Variants in ASIC2 observed in about 807,000 individuals in gnomAD.
ASIC2 encodes acid-sensing ion channel 2.
A neutral mutation model predicts 57.3 loss-of-function variants in ASIC2; 25 were observed. The observed-to-expected ratio is 0.44, with a 90% confidence interval of 0.32 to 0.61. The LOEUF is 0.61. ASIC2 is among the 20% of genes least tolerant of loss of function. ASIC2 has a pLI of 0.06. For missense variants in ASIC2, 641 were observed against 738.1 expected (o/e 0.87, Z 1.52); for synonymous variants, 319 against 307.5 (o/e 1.04, Z -0.39).
rs141016306 is a variant in ASIC2 at position 33,501,558 on chromosome 17, A to G, written c.556-389491T>C. On this transcript the variant is annotated intron_variant, in intron 1 of 9. Transcript: ENST00000359872. ...GCTAAGGTCCAGAAAAGAGTTAAATAAATGTTTCCTAAAATGTATTTCTAG... is the reference window on the plus strand; with the variant it reads ...GCTAAGGTCCAGAAAAGAGTTAAATGAATGTTTCCTAAAATGTATTTCTAG... 5.3e-5 allele frequency among the ~76,000 whole-genome samples: 8 copies of G among 152,340 alleles called. No homozygotes were observed. The East Asian group carries it at 9.6e-4, about 18-fold the overall frequency.
chr17:33,865,701 A>G (rs1392767153), intron 1 of ASIC2, among the ~76,000 whole-genome samples: 3 of 151,478 alleles, frequency 2.0e-5, no homozygotes, highest in Non-Finnish European at 4.4e-5. Flanking sequence ...ATACATATGT[A>G]ACTAACCTGC....
chr17:33,496,213 C>T (rs775841950), intron 1 of ASIC2, among the ~76,000 whole-genome samples: 51 of 152,098 alleles, frequency 3.4e-4, no homozygotes, highest in Non-Finnish European at 5.0e-4. Flanking sequence ...GGGCTTGGAC[C>T]GGGCTATTGG....
In ASIC2 at chr17:33,826,797, G is replaced by A. The variant is rs1846802862; in HGVS notation, c.555+329181C>T. ...AGGAGGGAAGTCGTTAAAAGGAAAG[G>A]TAGAGTCAGACATAGTGTCTGTCTA... is the stretch of plus-strand genomic sequence containing the variant. On this transcript the variant is annotated intron_variant, in intron 1 of 9. Coordinates refer to the ASIC2 transcript ENST00000359872. Among the ~76,000 whole-genome samples the A allele has an allele frequency of 1.3e-5, 2 of 152,174 alleles. 1 individual carries two copies. The highest frequency in any genetic ancestry group is 4.1e-4 in the South Asian group (2 of 4,832).
chr17:33,087,516 A>G (rs1315899333), intron 3 of ASIC2, among the ~76,000 whole-genome samples: 1 of 151,672 alleles, frequency 6.6e-6, no homozygotes, highest in African/African-American at 2.4e-5. Flanking sequence ...GGCCTATGCC[A>G]TCAACACTTT....
At chr17:33,545,982 T>C (rs1464377069) in intron 1 of ASIC2, among the ~76,000 whole-genome samples, 1 of 152,148 alleles carries the variant, frequency 6.6e-6, no homozygotes, top group Non-Finnish European at 1.5e-5. Flanking sequence ...GAATTCTGTT[T>C]ATGCTTTTGT....
intron 1 of ASIC2, among the ~76,000 whole-genome samples, chr17:33,830,695 C>A (rs750678682): frequency 3.6e-4 from 55 of 152,028 alleles, no homozygotes; most frequent in Non-Finnish European, 6.2e-4. Flanking sequence ...GGTATTCATC[C>A]TAATGCTCTC....
At chr17:33,830,001 A>G (rs1913054851) in intron 1 of ASIC2, among the ~76,000 whole-genome samples, 1 of 152,216 alleles carries the variant, frequency 6.6e-6, no homozygotes, top group Non-Finnish European at 1.5e-5. Flanking sequence ...AGAATCACTG[A>G]AAAGGAGGGT....
intron 1 of ASIC2, among the ~76,000 whole-genome samples, chr17:33,599,487 C>T (rs935611149): frequency 1.3e-5 from 2 of 152,178 alleles, no homozygotes; most frequent in Non-Finnish European, 2.9e-5. Context: ...GTCCTCAAGG[C>T]CACCAGGTCT....
intron 1 of ASIC2, among the ~76,000 whole-genome samples, chr17:34,119,794 G>A (rs1769035527): frequency 6.6e-6 from 1 of 152,190 alleles, no homozygotes; most frequent in Non-Finnish European, 1.5e-5. Context: ...ATTCCCGTCT[G>A]TTATGATTGT....
chr17:33,318,494 C>T (rs1204849493), intron 1 of ASIC2, among the ~76,000 whole-genome samples: 4 of 152,176 alleles, frequency 2.6e-5, no homozygotes, highest in Non-Finnish European at 5.9e-5. Flanking sequence ...TGCCCTCCCT[C>T]GTTTGGGTGA....
At chr17:33,949,402 G>T (rs1192951029) in intron 1 of ASIC2, among the ~76,000 whole-genome samples, 3 of 152,122 alleles carry the variant, frequency 2.0e-5, no homozygotes, top group Non-Finnish European at 4.4e-5. Flanking sequence ...AATCTGCATA[G>T]CCTGGCACCA....
Position 33,863,330 on chromosome 17 carries a change from C to A in ASIC2, c.555+292648G>T, listed in dbSNP as rs548971100. Among the ~76,000 whole-genome samples the A allele has an allele frequency of 4.6e-5, 7 of 152,348 alleles. No homozygotes were observed. In the East Asian group the frequency reaches 1.4e-3, roughly 29 times the overall value. ...ACATAGAACTCTGGTATGATTCCTGCTTTTGAATCCATATGATGCTTTTAG... is the reference window on the plus strand; with the variant it reads ...ACATAGAACTCTGGTATGATTCCTGATTTTGAATCCATATGATGCTTTTAG... On this transcript the variant is annotated intron_variant, in intron 1 of 9. Coordinates refer to the ASIC2 transcript ENST00000359872.
At chr17:34,038,228 A>G (rs1907965751) in intron 1 of ASIC2, 16 of 1,611,822 alleles carry the variant, frequency 9.9e-6, no homozygotes, top group Non-Finnish European at 1.4e-5. Flanking sequence ...AATCTGCATG[A>G]TAATGGACCG....
chr17:33,099,914 T>C (rs2092204525), intron 2 of ASIC2: 1 of 151,728 alleles, frequency 6.6e-6, no homozygotes, highest in Non-Finnish European at 1.5e-5. Context: ...TTCATAGCAA[T>C]TTTTTGTTAT....
chr17:33,878,451 G>A (rs1190480238), intron 1 of ASIC2, among the ~76,000 whole-genome samples: 7 of 152,160 alleles, frequency 4.6e-5, no homozygotes, highest in Non-Finnish European at 1.0e-4. Flanking sequence ...CGAGAACTAT[G>A]TGACAAATGC....
intron 1 of ASIC2, among the ~76,000 whole-genome samples, chr17:33,743,253 A>T (rs1180862846): frequency 6.6e-6 from 1 of 152,260 alleles, no homozygotes; most frequent in African/African-American, 2.4e-5. Flanking sequence ...AAACATTCAT[A>T]AAAATCTACT....
chr17:33,882,422 C>A (rs2141940807), intron 1 of ASIC2, among the ~76,000 whole-genome samples: 1 of 152,194 alleles, frequency 6.6e-6, no homozygotes, highest in East Asian at 1.9e-4. Flanking sequence ...AAGAAAAAAA[C>A]AAACAACCCC....
chr17:34,133,694 G>A (rs568941929), intron 1 of ASIC2, among the ~76,000 whole-genome samples: 23 of 152,328 alleles, frequency 1.5e-4, no homozygotes, highest in African/African-American at 5.1e-4. Flanking sequence ...TCTGCTAAGG[G>A]CCACCTGCTG....
At chr17:33,136,770 G>C (rs1033285001) in intron 1 of ASIC2, among the ~76,000 whole-genome samples, 2 of 152,206 alleles carry the variant, frequency 1.3e-5, no homozygotes, top group African/African-American at 4.8e-5. Context: ...GGAGGCTAGG[G>C]CTGACCCTCA....
Sources: gnomAD v4.1 joint callset for allele counts (sites outside exome capture counted in the v4.1 genomes callset) on GRCh38, gnomAD v4.1.1 for gene constraint, MANE v1.5 for transcripts, NCBI Gene and HGNC (gene_info 2026-07-23, HGNC 2026-07-21) for gene names.